KDM4C: variants seen among roughly 807,000 people sequenced by gnomAD.
The protein encoded by KDM4C is lysine demethylase 4C.
Under a neutral mutation model 129.3 loss-of-function variants are expected in KDM4C, and 81 were observed. The ratio of observed to expected loss-of-function variants is 0.63; its 90% confidence interval spans 0.52 to 0.75. KDM4C has a LOEUF of 0.75. Ranked by LOEUF, KDM4C falls within the 30% of genes least tolerant of loss-of-function variation. KDM4C has a pLI of 0.00. For synonymous variants in KDM4C, 573 were observed against 456.1 expected (o/e 1.26, Z -3.26); for missense variants, 1,457 against 1,304.0 (o/e 1.12, Z -1.81).
At chr9:7,069,800 G>A (rs1832947024) in intron 17 of KDM4C, among the ~76,000 whole-genome samples, 1 of 152,102 alleles carries the variant, frequency 6.6e-6, no homozygotes, top group Non-Finnish European at 1.5e-5. Flanking sequence ...AATGTATTGT[G>A]GTTTATAGGA....
At chr9:7,079,704 G>A (rs1038010609) in intron 17 of KDM4C, among the ~76,000 whole-genome samples, 1 of 152,188 alleles carries the variant, frequency 6.6e-6, no homozygotes, top group Non-Finnish European at 1.5e-5. Context: ...GTCGAATTCT[G>A]TGATTCTATG....
chr9:6,866,684 CCA>C (rs1842031216), intron 5 of KDM4C, among the ~76,000 whole-genome samples: 1 of 152,054 alleles, frequency 6.6e-6, no homozygotes, highest in Non-Finnish European at 1.5e-5. Flanking sequence ...AGCTGGTTGT[CCA>C]CCCTGATCTC....
chr9:7,059,315 G>A (rs1031462116), intron 17 of KDM4C, among the ~76,000 whole-genome samples: 4 of 152,124 alleles, frequency 2.6e-5, no homozygotes, highest in East Asian at 1.9e-4. Context: ...GTTGCCCAGG[G>A]TGGTCTCGGG....
upstream of KDM4C, among the ~76,000 whole-genome samples, chr9:6,756,567 A>G (rs1818296876): frequency 6.6e-6 from 1 of 152,186 alleles, no homozygotes; most frequent in South Asian, 2.1e-4. Flanking sequence ...AAATACAAAA[A>G]TTAGCTGGGC....
chr9:6,819,627 A>C lies in KDM4C; in HGVS notation c.435+4882A>C, dbSNP rs72701405. Among the ~76,000 whole-genome samples, 419 of 152,312 alleles carry C rather than the reference A, an allele frequency of 2.8e-3. 1 individual carries two copies. Among genetic ancestry groups the C allele is most frequent in the Non-Finnish European group, 5.2e-3 (352 of 68,018 alleles). On this transcript the variant is annotated intron_variant, in intron 4 of 21. Transcript: ENST00000381309. ...CTGCTTCTGGTAAACAAAACCAATC[A>C]CACTCAAGACACCTAAATTCAACAA...
intron 4 of KDM4C, among the ~76,000 whole-genome samples, chr9:6,834,066 T>A (rs576398284): frequency 6.6e-6 from 1 of 151,182 alleles, no homozygotes; most frequent in East Asian, 1.9e-4. Context: ...TTTAAGATAG[T>A]CTTGCTCTGT....
At chr9:6,810,223 C>T (rs1830896521) in intron 3 of KDM4C, among the ~76,000 whole-genome samples, 1 of 152,114 alleles carries the variant, frequency 6.6e-6, no homozygotes, top group Non-Finnish European at 1.5e-5. Context: ...TTATACATAT[C>T]TCTGTTAAAT....
At chr9:6,976,451 T>C (rs1446351260) in intron 8 of KDM4C, among the ~76,000 whole-genome samples, 1 of 152,216 alleles carries the variant, frequency 6.6e-6, no homozygotes, top group Non-Finnish European at 1.5e-5. Flanking sequence ...TATAGTACTA[T>C]TCAGAGGGCA....
At chr9:7,018,078 A>G (rs1824004756) in intron 15 of KDM4C, among the ~76,000 whole-genome samples, 1 of 152,228 alleles carries the variant, frequency 6.6e-6, no homozygotes, top group Non-Finnish European at 1.5e-5. Context: ...TGACAGGGAT[A>G]CATTCTGAGA....
intron 15 of KDM4C, among the ~76,000 whole-genome samples, chr9:7,032,899 G>T (rs1199659947): frequency 6.6e-6 from 1 of 152,196 alleles, no homozygotes. Context: ...TAGCATTATT[G>T]GTTGGATGAG....
chr9:6,763,450 A>G (rs1819978663), intron 1 of KDM4C, among the ~76,000 whole-genome samples: 2 of 150,722 alleles, frequency 1.3e-5, no homozygotes, highest in South Asian at 4.1e-4. Context: ...AGTCTCCTTC[A>G]TAGTCTTAAG....
intron 15 of KDM4C, among the ~76,000 whole-genome samples, chr9:7,046,596 C>A (rs1430976931): frequency 1.3e-5 from 2 of 151,980 alleles, no homozygotes; most frequent in African/African-American, 4.8e-5. Context: ...CCTTTGATGA[C>A]AGTGTCAATT....
chr9:6,806,612 G>A (rs1279943826), intron 3 of KDM4C, among the ~76,000 whole-genome samples: 1 of 151,948 alleles, frequency 6.6e-6, no homozygotes, highest in Non-Finnish European at 1.5e-5. Flanking sequence ...CTGCCTCAGG[G>A]TCTCATGAGG....
chr9:6,745,642 T>A (rs927081427), intron 1 of KDM4C, among the ~76,000 whole-genome samples: 4 of 152,092 alleles, frequency 2.6e-5, no homozygotes, highest in African/African-American at 7.2e-5. Flanking sequence ...ACATTATATT[T>A]TATTTTATTT....
In KDM4C at chr9:6,747,408, C is replaced by T. The variant is rs372764307; in HGVS notation, c.49+26411C>T. On this transcript the variant is annotated intron_variant, in intron 1 of 17. Transcript: ENST00000536108. ...TAAAAATACATAAAAATTAGCTGGG[C>T]GTGGTGGTGGGCGCCTGTAGTCCCA... Among the ~76,000 whole-genome samples, 25 of 151,498 alleles carry T rather than the reference C, an allele frequency of 1.7e-4. No homozygotes were observed. In the South Asian group the frequency reaches 4.6e-3, roughly 28 times the overall value.
intron 4 of KDM4C, among the ~76,000 whole-genome samples, chr9:6,826,297 A>ACTTTTTT (rs1261516780): frequency 6.6e-6 from 1 of 152,066 alleles, no homozygotes; most frequent in African/African-American, 2.4e-5. Context: ...TTAAGGTAAA[A>ACTTTTTT]GTTACCTTTT....
chr9:6,972,066 A>G (rs1165745215), intron 8 of KDM4C, among the ~76,000 whole-genome samples: 1 of 152,158 alleles, frequency 6.6e-6, no homozygotes, highest in African/African-American at 2.4e-5. Flanking sequence ...ACAAAATATG[A>G]TTACACGTGG....
chr9:7,014,749 C>A (rs1296405533), intron 14 of KDM4C, among the ~76,000 whole-genome samples: 1 of 152,058 alleles, frequency 6.6e-6, no homozygotes, highest in Non-Finnish European at 1.5e-5. Context: ...ATATTATCTT[C>A]TGTATTTACC....
intron 19 of KDM4C, among the ~76,000 whole-genome samples, chr9:7,161,007 C>T (rs1174000732): frequency 6.6e-6 from 1 of 152,212 alleles, no homozygotes; most frequent in East Asian, 1.9e-4. Flanking sequence ...TTCCCAGCCG[C>T]TTTGTTTACC....
Sources: allele counts gnomAD v4.1 joint callset (sites outside exome capture counted in the v4.1 genomes callset), GRCh38; gene constraint gnomAD v4.1.1; transcripts MANE v1.5; gene names NCBI Gene and HGNC (gene_info 2026-07-23, HGNC 2026-07-21).